The following MUC17 variants were observed in gnomAD, a reference collection of about 807,000 sequenced individuals.
The protein encoded by MUC17 is mucin 17, cell surface associated.
Under a neutral mutation model 170.3 loss-of-function variants are expected in MUC17, and 190 were observed. The observed-to-expected ratio is 1.12, with a 90% confidence interval of 0.99 to 1.26. The LOEUF (loss-of-function observed/expected upper bound fraction) is 1.26. Among genes scored for constraint, MUC17 ranks in the 50% most tolerant of loss-of-function variants. The pLI is 0.00. For missense variants in MUC17, 6,415 were observed against 5,530.0 expected, an observed-to-expected ratio of 1.16 and a Z score of -5.08; for synonymous variants, 2,325 against 2,002.5, an observed-to-expected ratio of 1.16 and a Z score of -4.30.
chr7:101,040,285 A>G lies in MUC17; in HGVS notation c.8869A>G (p.Thr2957Ala). The G allele has an allele frequency of 6.2e-7, 1 of 1,610,990 alleles. No individual in the cohort carries two copies. Among genetic ancestry groups the G allele is most frequent in the Non-Finnish European group, 8.5e-7 (1 of 1,178,550 alleles). ...TLSTTPVDTR[T>A]PVTTSAEASS... ...TTCAACAACTCCTGTTGACACCAGGACACCTGTCACCACTTCTGCTGAAGC... is the reference window on the plus strand; with the variant it reads ...TTCAACAACTCCTGTTGACACCAGGGCACCTGTCACCACTTCTGCTGAAGC... Residue 2957 changes from threonine (T) to alanine (A), a missense_variant, in exon 3 of 13, where the codon ACA (threonine) becomes GCA (alanine). Transcript: ENST00000306151.
rs929920527 is a variant in MUC17, at chr7:101,043,756, C to T, written c.12340C>T (p.Pro4114Ser). ...CCCCACGGTGACCACCACCGCTGTC[C>T]CCACGAATACTACAATTAAGAGCAA... is the stretch of plus-strand genomic sequence containing the variant. Reference protein sequence around the residue: ...SFPTVTTTAVPTNTTIKSNPT... With the variant: ...SFPTVTTTAVSTNTTIKSNPT... Residue 4114 changes from proline to serine, a missense_variant, in exon 3 of 13, where the codon CCC (proline) becomes TCC (serine). Coordinates refer to ENST00000306151, the MANE Select transcript of MUC17 (RefSeq NM_001040105.2). The T allele has an allele frequency of 6.2e-7, 1 of 1,614,096 alleles. No individual in the cohort carries two copies. The highest frequency in any genetic ancestry group is 1.7e-5 in the Admixed American group (1 of 60,012).
In MUC17 at chr7:101,041,152, C is replaced by T; in HGVS notation, c.9736C>T (p.Pro3246Ser). The T allele has an allele frequency of 6.2e-7, 1 of 1,613,518 alleles. No homozygotes were observed. Among genetic ancestry groups the T allele is most frequent in the Non-Finnish European group, 8.5e-7 (1 of 1,179,902 alleles). Residue 3246 changes from proline to serine, a missense_variant, in exon 3 of 13, where the codon CCT becomes TCT. Transcript: ENST00000306151. ...SSEASILSTT[P>S]VDSNTPLTTS... ...TGAGGCTAGCATCCTTTCAACAACT[C>T]CTGTTGACTCCAACACTCCTTTGAC... is the stretch of plus-strand genomic sequence containing the variant.
chr7:101,036,322 A>G lies in MUC17; in HGVS notation c.4906A>G (p.Ile1636Val), dbSNP rs1035662075. 3 of 1,612,736 alleles carry G rather than the reference A, an allele frequency of 1.9e-6. No homozygotes were observed. The highest frequency in any genetic ancestry group is 2.5e-6 in the Non-Finnish European group (3 of 1,179,662). The change falls in exon 3 of 13, where the codon ATA becomes GTA. Residue 1636 changes from isoleucine to valine, a missense_variant. Coordinates refer to ENST00000306151, the MANE Select transcript of MUC17 (RefSeq NM_001040105.2). ...PSEGSPLLTS[I>V]PVSTTPVASP... ...TGAAGGAAGTCCTCTATTAACAAGT[A>G]TACCTGTCAGCACCACGCCGGTGGC...
At chr7:101,052,960 A>C in intron 9 of MUC17, 26 bp from the exon 10 acceptor site, 3 of 1,603,190 alleles carry the variant, frequency 1.9e-6, no homozygotes, top group Non-Finnish European at 2.6e-6. Flanking sequence ...CTCTCTCCCC[A>C]ACCTGCCGCT....
rs1795046026 is a variant in MUC17 at position 101,056,383 on chromosome 7, G to A, written c.13440+113G>A. 7 of 1,486,822 alleles carry A rather than the reference G, an allele frequency of 4.7e-6. No individual in the cohort carries two copies. In the South Asian group the frequency reaches 7.6e-5, roughly 16 times the overall value. 92.1% of individuals were successfully genotyped at this position (1,486,822 alleles called of 1,614,324 possible). A position where few individuals can be genotyped will look rare whatever the true frequency, so the allele number is the denominator to read the frequency against. ...ACAGAACCATGTTTACAGTTTATTG[G>A]TCCAGGTGATCCTCCCAGGTCCATA... On this transcript the variant is annotated intron_variant, in intron 12 of 12. Transcript: ENST00000306151.
Position 101,033,093 on chromosome 7 carries a change from C to T in MUC17, c.1677C>T (p.Ser559=), listed in dbSNP as rs150879291. ...SSSSTTPEGT[S]IPTSTPSEGS... is the part of the protein sequence containing the mutation. ...CTTCTACAACTCCTGAAGGTACCAGCATACCAACCTCAACTCCTAGTGAAG... is the reference window on the plus strand; with the variant it reads ...CTTCTACAACTCCTGAAGGTACCAGTATACCAACCTCAACTCCTAGTGAAG... The change falls in exon 3 of 13, where the codon AGC becomes AGT. Residue 559 remains serine (S), a synonymous_variant. Coordinates refer to ENST00000306151, the MANE Select transcript of MUC17 (RefSeq NM_001040105.2). 20 of 1,611,962 alleles carry T rather than the reference C, an allele frequency of 1.2e-5. No individual in the cohort carries two copies. The African/African-American group carries it at 2.3e-4, about 18-fold the overall frequency.
intron 9 of MUC17, 37 bp downstream of exon 9, chr7:101,051,999 C>A (rs145638415): frequency 2.5e-6 from 4 of 1,587,448 alleles, no homozygotes; most frequent in Middle Eastern, 3.9e-4. Context: ...CCAGCCCAGA[C>A]GTCCTGGTCC....
At chr7:101,025,759 G>C (rs1042444167) in intron 1 of MUC17, among the ~76,000 whole-genome samples, 1 of 146,232 alleles carries the variant, frequency 6.8e-6, no homozygotes, top group Non-Finnish European at 1.5e-5. Flanking sequence ...ATGCCACTGC[G>C]CTCCAGCCTG....
intron 12 of MUC17, among the ~76,000 whole-genome samples, chr7:101,056,811 T>A (rs1440252531): frequency 1.3e-5 from 2 of 152,162 alleles, no homozygotes; most frequent in African/African-American, 4.8e-5. Context: ...TGGTACCCAA[T>A]GTTTCCAATT....
In MUC17 at chr7:101,035,606, C is replaced by T. The variant is rs141608296; in HGVS notation, c.4190C>T (p.Pro1397Leu). 89 of 1,611,944 alleles carry T rather than the reference C, an allele frequency of 5.5e-5. No individual in the cohort carries two copies. The highest frequency in any genetic ancestry group is 3.4e-4 in the East Asian group (15 of 44,718). Residue 1397 changes from proline to leucine, a missense_variant, in exon 3 of 13, where the codon CCG (proline) becomes CTG (leucine). Pro to Leu is a moderately conservative substitution (Grantham distance 98). Coordinates refer to ENST00000306151, the MANE Select transcript of MUC17 (RefSeq NM_001040105.2). ...TCAAATCCTAGTGAAGGAACCACTC[C>T]GTTAACAAGTATACCTGTCAGCACC... ...PNSNPSEGTT[P>L]LTSIPVSTTP...
Position 101,036,357 on chromosome 7 carries a change from G to T in MUC17, c.4941G>T (p.Glu1647Asp), listed in dbSNP as rs1432981621. 6.2e-7 allele frequency: 1 copy of T among 1,612,398 alleles called. No individual in the cohort carries two copies. The change falls in exon 3 of 13, where the codon GAG (glutamate) becomes GAT (aspartate). Residue 1647 changes from glutamate to aspartate, a missense_variant. Coordinates refer to ENST00000306151, the MANE Select transcript of MUC17 (RefSeq NM_001040105.2). ...PVSTTPVASP[E>D]ASTLSTTPVD... Reference sequence around the variant, plus strand: ...GCACCACGCCGGTGGCCAGTCCTGAGGCTAGCACCCTTTCAACAACTCCTG... The same window carrying T: ...GCACCACGCCGGTGGCCAGTCCTGATGCTAGCACCCTTTCAACAACTCCTG...
intron 11 of MUC17, 128 bp downstream of exon 11, chr7:101,053,564 T>G: frequency 1.5e-6 from 1 of 652,658 alleles, no homozygotes; most frequent in Non-Finnish European, 2.7e-6. Context: ...GGCCAGGAGC[T>G]CAAGATCAGC....
At chr7:101,055,358 A>C (rs1187193366) in intron 11 of MUC17, among the ~76,000 whole-genome samples, 1 of 152,214 alleles carries the variant, frequency 6.6e-6, no homozygotes, top group Non-Finnish European at 1.5e-5. Flanking sequence ...GGGTAATACT[A>C]AACAAAGTGT....
rs140905069 is a variant in MUC17, at chr7:101,033,974, C to G, written c.2558C>G (p.Thr853Ser). 5 of 1,603,176 alleles carry G rather than the reference C, an allele frequency of 3.1e-6. No individual in the cohort carries two copies. Among genetic ancestry groups the G allele is most frequent in the Non-Finnish European group, 4.3e-6 (5 of 1,173,898 alleles). The change falls in exon 3 of 13, where the codon ACC (threonine) becomes AGC (serine). Residue 853 changes from threonine (T) to serine (S), a missense_variant. Physicochemically the swap from Thr to Ser is moderately conservative, Grantham distance 58. Transcript: ENST00000306151. ...VSSSPTPAEG[T>S]SMPTSTYSEG... ...TCATCTCCTACACCTGCTGAAGGTACCAGCATGCCAACCTCAACTTATAGT... is the reference window on the plus strand; with the variant it reads ...TCATCTCCTACACCTGCTGAAGGTAGCAGCATGCCAACCTCAACTTATAGT...
chr7:101,042,987 A>G lies in MUC17; in HGVS notation c.11571A>G (p.Ile3857Met), dbSNP rs753910826. The G allele has an allele frequency of 1.2e-6, 2 of 1,614,066 alleles. No individual in the cohort carries two copies. The highest frequency in any genetic ancestry group is 2.2e-5 in the South Asian group (2 of 91,076). The change falls in exon 3 of 13, where the codon ATA becomes ATG. Residue 3857 changes from isoleucine to methionine, a missense_variant. By Grantham distance (10) the Ile-to-Met change is conservative. Transcript: ENST00000306151. Reference sequence around the variant, plus strand: ...CTACCAAAGCCGGTTCATTCTCCATACCTGCTGAAGTCACTACCATACGTA... The same window carrying G: ...CTACCAAAGCCGGTTCATTCTCCATGCCTGCTGAAGTCACTACCATACGTA... ...LTSTKAGSFS[I>M]PAEVTTIRIS...
intron 11 of MUC17, among the ~76,000 whole-genome samples, chr7:101,055,549 GA>G (rs1355142293): frequency 6.6e-6 from 1 of 152,042 alleles, no homozygotes; most frequent in African/African-American, 2.4e-5. Flanking sequence ...AAAGCTGCAA[GA>G]AAAAAATTAA....
chr7:101,024,758 T>TTTTTTC (rs1794152007), intron 1 of MUC17, among the ~76,000 whole-genome samples: 3 of 149,940 alleles, frequency 2.0e-5, no homozygotes, highest in Non-Finnish European at 4.5e-5. Context: ...TTTTTTTTTT[T>TTTTTTC]CTGAGATGGC....
chr7:101,047,721 C>T (rs1256673558), intron 3 of MUC17, among the ~76,000 whole-genome samples: 1 of 152,148 alleles, frequency 6.6e-6, no homozygotes, highest in Non-Finnish European at 1.5e-5. Context: ...ATCTCAGCTA[C>T]TCAGGAGGCT....
chr7:101,028,804 C>T (rs1794226776), intron 1 of MUC17, among the ~76,000 whole-genome samples: 1 of 152,112 alleles, frequency 6.6e-6, no homozygotes, highest in African/African-American at 2.4e-5. Flanking sequence ...GGAAGAATTG[C>T]TTGAGCCCAG....
Sources: gnomAD v4.1 joint callset for allele counts (sites outside exome capture counted in the v4.1 genomes callset) on GRCh38, gnomAD v4.1.1 for gene constraint, MANE v1.5 for transcripts, NCBI Gene and HGNC (gene_info 2026-07-23, HGNC 2026-07-21) for gene names.